The following PRKN variants were observed in gnomAD, a reference collection of about 807,000 sequenced individuals.
The protein encoded by PRKN is parkin RBR E3 ubiquitin protein ligase, also known as E3 ubiquitin-protein ligase parkin.
A neutral mutation model predicts 59.5 loss-of-function variants in PRKN; 56 were observed. That is an observed-to-expected ratio of 0.94 (90% CI 0.76 to 1.18). PRKN has a LOEUF of 1.18. Among genes scored for constraint, PRKN ranks in the 50% most tolerant of loss-of-function variants. The pLI is 0.00. For synonymous variants in PRKN, 250 were observed against 222.1 expected, an observed-to-expected ratio of 1.13 and a Z score of -1.12; for missense variants, 657 against 596.4, an observed-to-expected ratio of 1.10 and a Z score of -1.06.
intron 4 of PRKN, among the ~76,000 whole-genome samples, chr6:162,092,755 T>TC (rs1779553208): frequency 6.6e-6 from 1 of 152,348 alleles, no homozygotes; most frequent in Non-Finnish European, 1.5e-5. Context: ...TCATAGATTC[T>TC]AAAATCACTG....
intron 1 of PRKN, among the ~76,000 whole-genome samples, chr6:162,475,143 G>A (rs913763075): frequency 1.3e-5 from 2 of 151,934 alleles, no homozygotes; most frequent in African/African-American, 2.4e-5. Flanking sequence ...CAGTCTATAC[G>A]CCCTGAGAGC....
intron 6 of PRKN, among the ~76,000 whole-genome samples, chr6:161,909,556 G>A (rs1439068682): frequency 1.3e-5 from 2 of 152,156 alleles, no homozygotes; most frequent in African/African-American, 4.8e-5. Flanking sequence ...AGGGCCTGAG[G>A]AACTCATAGA....
At chr6:162,089,435 A>G (rs528178321) in intron 4 of PRKN, among the ~76,000 whole-genome samples, 17 of 152,230 alleles carry the variant, frequency 1.1e-4, no homozygotes, top group Non-Finnish European at 2.4e-4. Context: ...TAAATTGTAA[A>G]TCTCATTCAT....
Position 161,410,087 on chromosome 6 carries a change from C to T in PRKN, c.1084-23210G>A, listed in dbSNP as rs938581312. Among the ~76,000 whole-genome samples, 1 of 151,696 alleles carries T rather than the reference C, an allele frequency of 6.6e-6. No individual in the cohort carries two copies. The highest frequency in any genetic ancestry group is 2.4e-5 in the African/African-American group (1 of 41,244). ...TGTAGGCTCTGGGCAGCCCGTGCAT[C>T]TGCTGGGTCAGCGGTCTGGCACTTT... On this transcript the variant is annotated intron_variant, in intron 9 of 11. Transcript: ENST00000366898. This position sits in a 1 kb window ranked among gnomAD's most constrained non-coding sequence, Gnocchi z 5.3.
rs1583076480 is a variant in PRKN, at chr6:161,444,895, T to C, written c.1084-58018A>G. 1.3e-5 allele frequency among the ~76,000 whole-genome samples: 2 copies of C among 152,090 alleles called. No homozygotes were observed. The highest frequency in any genetic ancestry group is 2.1e-4 in the South Asian group (1 of 4,828). On this transcript the variant is annotated intron_variant, in intron 9 of 11. Coordinates refer to ENST00000366898, the MANE Select transcript of PRKN (RefSeq NM_004562.3). This position sits in a 1 kb window ranked among gnomAD's most constrained non-coding sequence, Gnocchi z 5.6. ...ATTCCTGTTTTGCTAAGGTATGTAA[T>C]AGTTATTTATTTTTAAAAAAAGCCA...
chr6:162,507,864 A>C (rs2128189600), intron 1 of PRKN, among the ~76,000 whole-genome samples: 1 of 152,312 alleles, frequency 6.6e-6, no homozygotes, highest in Non-Finnish European at 1.5e-5. Context: ...TGGATGGATT[A>C]CCGAATAAAT....
rs554304140 is a variant in PRKN at position 161,818,553 on chromosome 6, C to G, written c.735-32645G>C. Among the ~76,000 whole-genome samples, 82 of 152,018 alleles carry G rather than the reference C, an allele frequency of 5.4e-4. 1 individual carries two copies. Among genetic ancestry groups the G allele is most frequent in the African/African-American group, 1.7e-3 (71 of 41,466 alleles). On this transcript the variant is annotated intron_variant, in intron 6 of 11. Transcript: ENST00000366898. ...CTTGCTATGTTGCCCAGGCTGATCA[C>G]CAACACCTGGACTAAAGCGATCCTC...
At chr6:162,623,400 C>T (rs1055857083) in intron 1 of PRKN, among the ~76,000 whole-genome samples, 12 of 152,082 alleles carry the variant, frequency 7.9e-5, no homozygotes, top group African/African-American at 1.2e-4. Flanking sequence ...CTACATTAAA[C>T]GCTCCAGAAT....
At chr6:161,404,557 T>C (rs1787180854) in intron 9 of PRKN, among the ~76,000 whole-genome samples, 1 of 152,180 alleles carries the variant, frequency 6.6e-6, no homozygotes, top group African/African-American at 2.4e-5. Context: ...GTGACCCCAA[T>C]GGCATCTGCA....
intron 1 of PRKN, among the ~76,000 whole-genome samples, chr6:162,685,803 G>A (rs2128233866): frequency 6.6e-6 from 1 of 152,074 alleles, no homozygotes; most frequent in South Asian, 2.1e-4. Context: ...AGTATTTTTG[G>A]CCAGCAGACC....
chr6:161,871,831 C>T (rs544755156), intron 6 of PRKN, among the ~76,000 whole-genome samples: 18 of 152,250 alleles, frequency 1.2e-4, no homozygotes, highest in African/African-American at 4.1e-4. Context: ...CATATCTGTG[C>T]TATAAAACTC....
chr6:162,135,590 A>G (rs1781533169), intron 4 of PRKN, among the ~76,000 whole-genome samples: 1 of 152,138 alleles, frequency 6.6e-6, no homozygotes, highest in Non-Finnish European at 1.5e-5. Flanking sequence ...ATCACTTCAC[A>G]AAGTCTGCTG....
intron 6 of PRKN, among the ~76,000 whole-genome samples, chr6:161,896,235 T>C (rs907004990): frequency 1.3e-5 from 2 of 152,216 alleles, no homozygotes; most frequent in Non-Finnish European, 2.9e-5. Flanking sequence ...GGTCTCCCCT[T>C]GAACCTGGGC....
At chr6:161,411,642 C>T (rs970695004) in intron 9 of PRKN, among the ~76,000 whole-genome samples, 3 of 152,038 alleles carry the variant, frequency 2.0e-5, no homozygotes, top group East Asian at 3.9e-4. Context: ...CTTACTCATT[C>T]CTCCATTCAC....
At chr6:162,455,763 A>C (rs372473291) in intron 1 of PRKN, among the ~76,000 whole-genome samples, 1 of 152,170 alleles carries the variant, frequency 6.6e-6, no homozygotes, top group East Asian at 1.9e-4. Flanking sequence ...TTGATTTAAA[A>C]AATGTTAAAT....
chr6:162,427,084 G>C (rs757495446), intron 2 of PRKN, among the ~76,000 whole-genome samples: 2 of 152,288 alleles, frequency 1.3e-5, no homozygotes, highest in South Asian at 4.1e-4. Context: ...CAAATGAATA[G>C]TAAATGTGAA....
chr6:161,641,793 G>A (rs1029802804), intron 7 of PRKN, among the ~76,000 whole-genome samples: 4 of 152,222 alleles, frequency 2.6e-5, no homozygotes, highest in African/African-American at 9.6e-5. Context: ...AAAGTGCCCT[G>A]TGGCGCTTAA....
intron 7 of PRKN, among the ~76,000 whole-genome samples, chr6:161,752,101 T>G (rs921997548): frequency 2.6e-5 from 4 of 152,216 alleles, no homozygotes; most frequent in Non-Finnish European, 4.4e-5. Flanking sequence ...AGGGAACTGA[T>G]TTAATTTACA....
At chr6:161,890,155 GTTC>G (rs1210223342) in intron 6 of PRKN, among the ~76,000 whole-genome samples, 3 of 152,216 alleles carry the variant, frequency 2.0e-5, no homozygotes, top group African/African-American at 4.8e-5. Flanking sequence ...ATGAAAATCA[GTTC>G]TTATTTTACA....
Sources: allele counts gnomAD v4.1 joint callset (sites outside exome capture counted in the v4.1 genomes callset), GRCh38; gene constraint gnomAD v4.1.1; non-coding constraint Gnocchi (gnomAD v3.1); transcripts MANE v1.5; gene names NCBI Gene and HGNC (gene_info 2026-07-23, HGNC 2026-07-21).